The following HDHD2 variants were observed in gnomAD, a reference collection of about 807,000 sequenced individuals.
The protein encoded by HDHD2 is haloacid dehalogenase-like hydrolase domain-containing protein 2.
Under a neutral mutation model 24.8 loss-of-function variants are expected in HDHD2, and 26 were observed. That is an observed-to-expected ratio of 1.05 (90% CI 0.77 to 1.45). The LOEUF is 1.45. HDHD2 is among the 40% of genes most tolerant of loss of function. The pLI is 0.00. For missense variants in HDHD2, 299 were observed against 313.4 expected, an observed-to-expected ratio of 0.95 and a Z score of 0.35; for synonymous variants, 128 against 114.9, an observed-to-expected ratio of 1.11 and a Z score of -0.73.
At chr18:47,141,230 C>G (rs965758206) in intron 1 of HDHD2, among the ~76,000 whole-genome samples, 2 of 152,094 alleles carry the variant, frequency 1.3e-5, no homozygotes, top group African/African-American at 2.4e-5. Flanking sequence ...ACATTTTTTC[C>G]CCTTAAGCTG....
At chr18:47,115,482 C>T (rs562904295) in intron 4 of HDHD2, 134 bp from the exon 5 acceptor site, 2 of 597,250 alleles carry the variant, frequency 3.3e-6, no homozygotes, top group Non-Finnish European at 5.9e-6. Flanking sequence ...CTTTTAATGA[C>T]TTGCTGTCTT....
rs560973009 is a variant in HDHD2, at chr18:47,124,619, T to C, written c.395+5625A>G. ...TACTCGGGAGGCTGAGACAGGAGAA[T>C]TGCTTGAACCCGGGAGGCAGAGGTT... On this transcript the variant is annotated intron_variant, in intron 4 of 6. Transcript: ENST00000300605. Among the ~76,000 whole-genome samples, 6 of 149,908 alleles carry C rather than the reference T, an allele frequency of 4.0e-5. No individual in the cohort carries two copies. The South Asian group carries it at 8.5e-4, about 21-fold the overall frequency.
intron 6 of HDHD2, 191 bp from the exon 7 acceptor site, chr18:47,108,976 C>G: frequency 1.8e-6 from 1 of 551,872 alleles, no homozygotes; most frequent in Non-Finnish European, 3.2e-6. Context: ...ATGTCACATT[C>G]AGCCTTTCCC....
intron 4 of HDHD2, among the ~76,000 whole-genome samples, chr18:47,120,516 C>T (rs1568047133): frequency 6.6e-6 from 1 of 152,158 alleles, no homozygotes; most frequent in Admixed American, 6.5e-5. Flanking sequence ...ATCCAGACCA[C>T]AAAAGTTTCT....
chr18:47,141,485 T>A (rs889616016), intron 1 of HDHD2, among the ~76,000 whole-genome samples: 1 of 152,212 alleles, frequency 6.6e-6, no homozygotes. Flanking sequence ...GGAACTAAAC[T>A]CCACCTTCTA....
At chr18:47,127,461 C>A (rs1044758027) in intron 4 of HDHD2, among the ~76,000 whole-genome samples, 8 of 152,028 alleles carry the variant, frequency 5.3e-5, no homozygotes, top group Non-Finnish European at 4.4e-5. Context: ...TTTATTCTTT[C>A]TTGAGCATTT....
At chr18:47,134,315 C>G in intron 3 of HDHD2, 181 bp downstream of exon 3, 1 of 604,658 alleles carries the variant, frequency 1.7e-6, no homozygotes, top group African/African-American at 1.9e-5. Context: ...GTTTCACTTA[C>G]TGTGGATTAC....
At chr18:47,118,367 T>C (rs1024080619) in intron 4 of HDHD2, among the ~76,000 whole-genome samples, 7 of 152,138 alleles carry the variant, frequency 4.6e-5, no homozygotes, top group African/African-American at 1.7e-4. Flanking sequence ...CCGTCAGTGA[T>C]AGACTGGAGA....
chr18:47,127,793 C>T (rs908853831), intron 4 of HDHD2, among the ~76,000 whole-genome samples: 5 of 151,514 alleles, frequency 3.3e-5, no homozygotes, highest in Admixed American at 2.0e-4. Flanking sequence ...CTGTACTATG[C>T]GTTTTTGTGG....
intron 4 of HDHD2, among the ~76,000 whole-genome samples, chr18:47,123,457 G>A (rs188518986): frequency 4.6e-5 from 7 of 152,016 alleles, no homozygotes; most frequent in African/African-American, 1.4e-4. Context: ...GCATGGTGGC[G>A]CATGCTTGTA....
chr18:47,148,016 T>G (rs1317453134), intron 1 of HDHD2, among the ~76,000 whole-genome samples: 1 of 142,572 alleles, frequency 7.0e-6, no homozygotes, highest in African/African-American at 2.6e-5. Context: ...GGAGACAAGG[T>G]CTGACTCTAT....
At chr18:47,126,600 T>C (rs1259331604) in intron 4 of HDHD2, among the ~76,000 whole-genome samples, 1 of 152,140 alleles carries the variant, frequency 6.6e-6, no homozygotes, top group Non-Finnish European at 1.5e-5. Flanking sequence ...TTAAAAAGGC[T>C]TCATCTATAA....
At chr18:47,147,414 T>G (rs908873804) in intron 1 of HDHD2, among the ~76,000 whole-genome samples, 1 of 152,210 alleles carries the variant, frequency 6.6e-6, no homozygotes. Context: ...AGCTTGTTCA[T>G]CAAAAGACTA....
Position 47,136,920 on chromosome 18 carries a change from C to T in HDHD2, c.-10-471G>A, listed in dbSNP as rs2063772409. 8.7e-6 allele frequency: 4 copies of T among 459,838 alleles called. No homozygotes were observed. In the Admixed American group the frequency reaches 1.1e-4, roughly 12 times the overall value. The allele number at this position is 459,838 out of a possible 1,614,324, so 28.5% of individuals were successfully genotyped here. On this transcript the variant is annotated intron_variant, in intron 1 of 6. Coordinates refer to ENST00000300605, the MANE Select transcript of HDHD2 (RefSeq NM_032124.5). ...ACCTGAAACAGAATATGTGGCTCTC[C>T]CTCGTCCACCACTGCCACCTCCTCC...
intron 2 of HDHD2, 130 bp downstream of exon 2, chr18:47,136,209 C>A: frequency 8.9e-7 from 1 of 1,124,284 alleles, no homozygotes; most frequent in Non-Finnish European, 1.2e-6. Context: ...CTAGCTAAAC[C>A]CAAGGCAGTT....
intron 6 of HDHD2, chr18:47,111,188 T>C (rs1365153540): frequency 1.0e-6 from 1 of 985,172 alleles, no homozygotes; most frequent in South Asian, 4.7e-5. Context: ...TGGACTTGAT[T>C]GTGTTACGCT....
At chr18:47,138,709 T>C (rs890277208) in intron 1 of HDHD2, among the ~76,000 whole-genome samples, 14 of 152,186 alleles carry the variant, frequency 9.2e-5, no homozygotes, top group Admixed American at 2.6e-4. Context: ...ATAACTCCCA[T>C]AGCCTTTGTT....
At chr18:47,131,131 C>T (rs1340317123) in intron 3 of HDHD2, among the ~76,000 whole-genome samples, 1 of 152,148 alleles carries the variant, frequency 6.6e-6, no homozygotes, top group Non-Finnish European at 1.5e-5. Flanking sequence ...CATGTGCCAA[C>T]CACACCCGGC....
chr18:47,145,357 C>T (rs899168764), intron 1 of HDHD2, among the ~76,000 whole-genome samples: 107 of 152,280 alleles, frequency 7.0e-4, no homozygotes, highest in Non-Finnish European at 3.4e-4. Flanking sequence ...CGTTGCTTTA[C>T]CTAATATCCA....
Sources: gnomAD v4.1 joint callset for allele counts (sites outside exome capture counted in the v4.1 genomes callset) on GRCh38, gnomAD v4.1.1 for gene constraint, MANE v1.5 for transcripts, NCBI Gene and HGNC (gene_info 2026-07-23, HGNC 2026-07-21) for gene names.